The following KCNA2 variants were observed in gnomAD, a reference collection of about 807,000 sequenced individuals.
The protein encoded by KCNA2 is potassium voltage-gated channel subfamily A member 2.
Under a neutral mutation model 33.4 loss-of-function variants are expected in KCNA2, and 11 were observed. The ratio of observed to expected loss-of-function variants is 0.33; its 90% CI spans 0.21 to 0.55. The LOEUF (loss-of-function observed/expected upper bound fraction) is 0.55. Ranked by LOEUF, KCNA2 falls within the 20% of genes least tolerant of loss-of-function variation. The probability of loss-of-function intolerance (pLI) is 0.93; values close to 1 mark genes in which losing one functional copy is unlikely to be tolerated. For missense variants in KCNA2, 291 were observed against 621.6 expected (o/e 0.47, Z 5.66); for synonymous variants, 222 against 231.3 (o/e 0.96, Z 0.37).
chr1:110,596,900 T>A lies in KCNA2; in HGVS notation c.*6383A>T. On this transcript the variant is annotated 3_prime_UTR_variant, in exon 3 of 3. Coordinates refer to ENST00000316361, the MANE Select transcript of KCNA2 (RefSeq NM_004974.4). ...TGGGGTTGCCAGCCTTCCCTGATTG[T>A]CCAGTCTGAACATTTAAGCTCACAG... is the stretch of plus-strand genomic sequence containing the variant. The A allele has an allele frequency of 1.1e-5, 11 of 985,408 alleles. No homozygotes were observed. The highest frequency in any genetic ancestry group is 1.3e-5 in the Non-Finnish European group (11 of 829,934). The allele number at this position is 985,408 out of a possible 1,614,324, so 61.0% of individuals were successfully genotyped here.
Position 110,598,396 on chromosome 1 carries a change from G to T in KCNA2, c.*4887C>A, listed in dbSNP as rs1313709530. ...CACACTGTTCTATAGTTTCCTTAGG[G>T]GGGAGTCAGCCTCTGTGACTCTACT... On this transcript the variant is annotated 3_prime_UTR_variant, in exon 3 of 3. Coordinates refer to ENST00000316361, the MANE Select transcript of KCNA2 (RefSeq NM_004974.4). 2.0e-6 allele frequency: 2 copies of T among 985,246 alleles called. No homozygotes were observed. The allele number at this position is 985,246 out of a possible 1,614,324, so 61.0% of individuals were successfully genotyped here.
Position 110,601,015 on chromosome 1 carries a change from C to T in KCNA2, c.*2268G>A, listed in dbSNP as rs955120986. On this transcript the variant is annotated 3_prime_UTR_variant, in exon 3 of 3. Coordinates refer to ENST00000316361, the MANE Select transcript of KCNA2 (RefSeq NM_004974.4). ...GCTACTCCGTCAAAAGGCAAAGACG[C>T]CCAGTCTGGTGAGTTAAAAGCCCCC... 12 of 985,466 alleles carry T rather than the reference C, an allele frequency of 1.2e-5. No homozygotes were observed. Among genetic ancestry groups the T allele is most frequent in the African/African-American group, 1.7e-5 (1 of 57,242 alleles). 61.0% of individuals were successfully genotyped at this position (985,466 alleles called of 1,614,324 possible). A position where few individuals can be genotyped will look rare whatever the true frequency, so the allele number is the denominator to read the frequency against.
chr1:110,624,441 A>G lies in KCNA2; in HGVS notation c.-496+6954T>C, dbSNP rs115462369. On this transcript the variant is annotated intron_variant, in intron 1 of 4. Coordinates refer to the KCNA2 transcript ENST00000369770. ...TGAAATTGCCAGAAATGGCACATCTATAGAGAAATAAAGCAGAACAGTGGT... is the reference window on the plus strand; with the variant it reads ...TGAAATTGCCAGAAATGGCACATCTGTAGAGAAATAAAGCAGAACAGTGGT... 2.8e-3 allele frequency among the ~76,000 whole-genome samples: 430 copies of G among 152,396 alleles called. 3 individuals are homozygous for G. Among genetic ancestry groups the G allele is most frequent in the African/African-American group, 9.9e-3 (413 of 41,606 alleles).
Position 110,593,984 on chromosome 1 carries a change from T to TC in KCNA2, c.*9298dup. ...AATGACTCCCAACTCCCATGAGTCT[T>TC]CCCCGCAAGTCCTGCTCCGCCTTCA... On this transcript the variant is annotated 3_prime_UTR_variant, in exon 3 of 3. Transcript: ENST00000316361. 1 of 1,547,922 alleles carries TC rather than the reference T, an allele frequency of 6.5e-7. No individual in the cohort carries two copies. Among genetic ancestry groups the TC allele is most frequent in the South Asian group, 1.2e-5 (1 of 83,556 alleles).
Position 110,597,694 on chromosome 1 carries a change from G to T in KCNA2, c.*5589C>A, listed in dbSNP as rs1489221459. On this transcript the variant is annotated 3_prime_UTR_variant, in exon 3 of 3. Transcript: ENST00000316361. ...AGAGACTGTGAATGAGCCCCCAGAA[G>T]TCAAGGGCATTATCTGATAATCCAG... The T allele has an allele frequency of 1.0e-6, 1 of 985,322 alleles. No homozygotes were observed. Among genetic ancestry groups the T allele is most frequent in the African/African-American group, 1.7e-5 (1 of 57,238 alleles). 61.0% of individuals were successfully genotyped at this position (985,322 alleles called of 1,614,324 possible).
Position 110,594,471 on chromosome 1 carries a change from G to A in KCNA2, c.*8812C>T. On this transcript the variant is annotated 3_prime_UTR_variant, in exon 3 of 3. Coordinates refer to ENST00000316361, the MANE Select transcript of KCNA2 (RefSeq NM_004974.4). ...AGCTATGTCCCTGATGAAAACTAGA[G>A]AATCTTCCTTGATTGCTGGCACCAT... is the stretch of plus-strand genomic sequence containing the variant. 1 of 985,324 alleles carries A rather than the reference G, an allele frequency of 1.0e-6. No homozygotes were observed. The highest frequency in any genetic ancestry group is 1.2e-6 in the Non-Finnish European group (1 of 829,926). 61.0% of individuals were successfully genotyped at this position (985,324 alleles called of 1,614,324 possible).
chr1:110,623,337 A>T (rs1650307131), intron 1 of KCNA2, among the ~76,000 whole-genome samples: 1 of 152,232 alleles, frequency 6.6e-6, no homozygotes, highest in Admixed American at 6.5e-5. Flanking sequence ...CCTAACCAAA[A>T]GAGCTAAAAC....
chr1:110,615,132 A>G (rs753726141), intron 1 of KCNA2, among the ~76,000 whole-genome samples: 4 of 152,166 alleles, frequency 2.6e-5, no homozygotes, highest in Non-Finnish European at 5.9e-5. Context: ...CTGAAGTTCA[A>G]CCTGAGGAAA....
chr1:110,610,054 CCA>C (rs1649817610), upstream of KCNA2, among the ~76,000 whole-genome samples: 1 of 152,186 alleles, frequency 6.6e-6, no homozygotes, highest in Non-Finnish European at 1.5e-5. Flanking sequence ...TTATTTTTGG[CCA>C]CACAATAGCA....
chr1:110,598,804 A>G lies in KCNA2; in HGVS notation c.*4479T>C. On this transcript the variant is annotated 3_prime_UTR_variant, in exon 3 of 3. Transcript: ENST00000316361. ...GTCAAATATTACTGAAGTTTCAGAA[A>G]GCACAGAGCCTTAATTATTTTCTTA... 3 of 985,398 alleles carry G rather than the reference A, an allele frequency of 3.0e-6. No individual in the cohort carries two copies. The highest frequency in any genetic ancestry group is 9.4e-5 in the South Asian group (2 of 21,282). The allele number at this position is 985,398 out of a possible 1,614,324, so 61.0% of individuals were successfully genotyped here.
Position 110,598,813 on chromosome 1 carries a change from C to G in KCNA2, c.*4470G>C, listed in dbSNP as rs1350000489. 2 of 985,136 alleles carry G rather than the reference C, an allele frequency of 2.0e-6. No homozygotes were observed. The highest frequency in any genetic ancestry group is 1.7e-5 in the African/African-American group (1 of 57,200). The allele number at this position is 985,136 out of a possible 1,614,324, so 61.0% of individuals were successfully genotyped here. A position where few individuals can be genotyped will look rare whatever the true frequency, so the allele number is the denominator to read the frequency against. Reference sequence around the variant, plus strand: ...TACTGAAGTTTCAGAAAGCACAGAGCCTTAATTATTTTCTTAATTAAATGT... The same window carrying G: ...TACTGAAGTTTCAGAAAGCACAGAGGCTTAATTATTTTCTTAATTAAATGT... On this transcript the variant is annotated 3_prime_UTR_variant, in exon 3 of 3. Coordinates refer to ENST00000316361, the MANE Select transcript of KCNA2 (RefSeq NM_004974.4).
chr1:110,610,397 C>T (rs1383952057), upstream of KCNA2, among the ~76,000 whole-genome samples: 2 of 152,222 alleles, frequency 1.3e-5, no homozygotes, highest in Non-Finnish European at 2.9e-5. Context: ...TGCTCCCCAC[C>T]AGCCCATCCA....
rs775188956 is a variant in KCNA2, at chr1:110,604,137, T to C, written c.646A>G (p.Thr216Ala). ...ATGAAGAAAGGGTCTGTGAAGGAAG[T>C]GGACTGCTGGTACCCGATGGTGCTG... ...SNSTIGYQQS[T>A]SFTDPFFIVE... is the part of the protein sequence containing the mutation. Residue 216 changes from threonine (T) to alanine (A), a missense_variant, in exon 3 of 3, where the codon ACT becomes GCT. By Grantham distance (58) the Thr-to-Ala change is moderately conservative. Transcript: ENST00000316361. This position sits in a 1 kb window ranked among gnomAD's most constrained non-coding sequence, Gnocchi z 7.6. 1 of 1,614,212 alleles carries C rather than the reference T, an allele frequency of 6.2e-7. No individual in the cohort carries two copies. The highest frequency in any genetic ancestry group is 8.5e-7 in the Non-Finnish European group (1 of 1,180,032).
chr1:110,600,604 ATGAC>A lies in KCNA2; in HGVS notation c.*2675_*2678del, dbSNP rs1190635589. The A allele has an allele frequency of 1.3e-5, 13 of 985,298 alleles. No individual in the cohort carries two copies. The highest frequency in any genetic ancestry group is 1.6e-5 in the Non-Finnish European group (13 of 829,936). 61.0% of individuals were successfully genotyped at this position (985,298 alleles called of 1,614,324 possible). On this transcript the variant is annotated 3_prime_UTR_variant, in exon 3 of 3. Coordinates refer to ENST00000316361, the MANE Select transcript of KCNA2 (RefSeq NM_004974.4). ...TGTACCTATTTTGTGGTGAATGTGCATGACTGTATGTGAACATTTTAGAGTCCTG... is the reference window on the plus strand; with the variant it reads ...TGTACCTATTTTGTGGTGAATGTGCATGTATGTGAACATTTTAGAGTCCTG...
upstream of KCNA2, chr1:110,606,446 C>A (rs931777719): frequency 1.3e-5 from 2 of 152,236 alleles, no homozygotes; most frequent in Non-Finnish European, 2.9e-5. Flanking sequence ...TGGCCCCCTG[C>A]CGACCCAATC....
chr1:110,620,083 A>AGAGT (rs1557739411), intron 1 of KCNA2, among the ~76,000 whole-genome samples: 10 of 142,112 alleles, frequency 7.0e-5, no homozygotes, highest in African/African-American at 2.9e-4. Context: ...AGAGAGAGAG[A>AGAGT]GAGAGTGAGT....
chr1:110,600,434 G>A lies in KCNA2; in HGVS notation c.*2849C>T. The stretch of plus-strand genomic sequence containing the variant: ...TATGTGGTGTATGTTTGTCTTTTGT[G>A]TATGTTCTGTGTAAATTCTATATCT... On this transcript the variant is annotated 3_prime_UTR_variant, in exon 3 of 3. Transcript: ENST00000316361. 1.0e-6 allele frequency: 1 copy of A among 984,702 alleles called. No homozygotes were observed. Among genetic ancestry groups the A allele is most frequent in the Non-Finnish European group, 1.2e-6 (1 of 829,750 alleles). 61.0% of individuals were successfully genotyped at this position (984,702 alleles called of 1,614,324 possible).
At chr1:110,615,768 C>A (rs748575193) in intron 1 of KCNA2, among the ~76,000 whole-genome samples, 1 of 152,148 alleles carries the variant, frequency 6.6e-6, no homozygotes, top group Non-Finnish European at 1.5e-5. Context: ...GGGAAGATGA[C>A]TTAGGAGTGG....
intron 1 of KCNA2, among the ~76,000 whole-genome samples, chr1:110,628,703 A>C (rs1650466715): frequency 1.3e-5 from 2 of 152,208 alleles, no homozygotes; most frequent in African/African-American, 4.8e-5. Context: ...GAAAGAAGGC[A>C]GGAGGTCAGA....
Sources: allele counts gnomAD v4.1 joint callset (sites outside exome capture counted in the v4.1 genomes callset), GRCh38; gene constraint gnomAD v4.1.1; non-coding constraint Gnocchi (gnomAD v3.1); transcripts MANE v1.5; gene names NCBI Gene and HGNC (gene_info 2026-07-23, HGNC 2026-07-21).